NCOA1: variants seen among roughly 807,000 people sequenced by gnomAD.
NCOA1 encodes the protein Hin-2 protein.
In NCOA1, 35 loss-of-function variants were observed where a neutral mutation model predicts 150.9. The ratio of observed to expected loss-of-function variants is 0.23; its 90% confidence interval spans 0.18 to 0.31. The LOEUF (loss-of-function observed/expected upper bound fraction) is 0.31. Among genes scored for constraint, NCOA1 ranks in the 10% least tolerant of loss-of-function variants. The probability of loss-of-function intolerance (pLI) is 1.00; values close to 1 mark genes in which losing one functional copy is unlikely to be tolerated. For missense variants in NCOA1, 1,491 were observed against 1,749.3 expected (o/e 0.85, Z 2.63); for synonymous variants, 590 against 630.0 (o/e 0.94, Z 0.95).
intron 13 of NCOA1, among the ~76,000 whole-genome samples, chr2:24,708,797 C>G (rs957630225): frequency 6.6e-6 from 1 of 152,206 alleles, no homozygotes; most frequent in African/African-American, 2.4e-5. Context: ...AAGAATCACT[C>G]TCTTCCCTCA....
intron 1 of NCOA1, among the ~76,000 whole-genome samples, chr2:24,552,321 T>TTATATATATATATATATATA (rs1165573855): frequency 4.6e-4 from 14 of 30,564 alleles, no homozygotes; most frequent in South Asian, 9.8e-4. Flanking sequence ...TTCATATATA[T>TTATATATATATATATATATA]TATATATATA....
In NCOA1 at chr2:24,691,698, CTG is replaced by C. The variant is rs749383423; in HGVS notation, c.712+41_712+42del. The C allele has an allele frequency of 3.8e-6, 6 of 1,581,670 alleles. No homozygotes were observed. In the African/African-American group the frequency reaches 8.1e-5, roughly 21 times the overall value. On this transcript the variant is annotated intron_variant, in intron 9 of 22. Coordinates refer to ENST00000348332, the MANE Select transcript of NCOA1 (RefSeq NM_003743.5). ...GGTCTTTTTAAAGTGTTTATTTCTT[CTG>C]TGACTTTAAGGAAAAGAGAGGAAAT...
At chr2:24,637,310 A>G (rs1669983572) in intron 3 of NCOA1, among the ~76,000 whole-genome samples, 1 of 146,804 alleles carries the variant, frequency 6.8e-6, no homozygotes, top group Admixed American at 7.0e-5. Flanking sequence ...AGAACGAGAA[A>G]TACCATTTGA....
At chr2:24,513,847 G>A (rs1219473263) in intron 1 of NCOA1, among the ~76,000 whole-genome samples, 1 of 152,076 alleles carries the variant, frequency 6.6e-6, no homozygotes, top group South Asian at 2.1e-4. Context: ...CAATTTCTCC[G>A]GCCAACTGTA....
intron 6 of NCOA1, 30 bp from the exon 7 acceptor site, chr2:24,673,336 A>G (rs766609336): frequency 1.4e-6 from 2 of 1,410,322 alleles, no homozygotes; most frequent in Admixed American, 2.4e-5. Flanking sequence ...CTTTTCAGAT[A>G]TGTGATTTTT....
At chr2:24,558,296 A>G (rs1034511754) in intron 1 of NCOA1, among the ~76,000 whole-genome samples, 13 of 152,280 alleles carry the variant, frequency 8.5e-5, no homozygotes, top group African/African-American at 2.2e-4. Flanking sequence ...CCTGTGTGCA[A>G]CGGAAAACTG....
chr2:24,532,507 T>C (rs1484893892), intron 1 of NCOA1, among the ~76,000 whole-genome samples: 1 of 152,222 alleles, frequency 6.6e-6, no homozygotes, highest in Non-Finnish European at 1.5e-5. Context: ...TTTTGGTGTT[T>C]TAGACATGAA....
chr2:24,624,976 A>C (rs1160391548), intron 3 of NCOA1, among the ~76,000 whole-genome samples: 1 of 152,188 alleles, frequency 6.6e-6, no homozygotes, highest in Non-Finnish European at 1.5e-5. Context: ...TGTAGTGTGA[A>C]AGCAGCCATA....
rs142059418 is a variant in NCOA1, at chr2:24,560,399, T to C, written c.-395-3896T>C. On this transcript the variant is annotated intron_variant, in intron 1 of 22. Transcript: ENST00000348332. ...TGGTTGCCTTGTGACCTCCACTCTT[T>C]GTTAGACCAAGAGAAGTTTTGATTC... Among the ~76,000 whole-genome samples, 8 of 152,296 alleles carry C rather than the reference T, an allele frequency of 5.3e-5. No individual in the cohort carries two copies. In the East Asian group the frequency reaches 1.5e-3, roughly 29 times the overall value.
At chr2:24,629,572 G>A (rs1669595119) in intron 3 of NCOA1, among the ~76,000 whole-genome samples, 2 of 148,376 alleles carry the variant, frequency 1.3e-5, no homozygotes, top group Non-Finnish European at 1.5e-5. Flanking sequence ...ACAAAAAAAG[G>A]TACCTAAAAT....
At chr2:24,497,387 A>G (rs1355770508) in intron 1 of NCOA1, among the ~76,000 whole-genome samples, 1 of 151,944 alleles carries the variant, frequency 6.6e-6, no homozygotes, top group Non-Finnish European at 1.5e-5. Context: ...TCACTTTAAG[A>G]TTCTTGTGGG....
chr2:24,636,539 C>A (rs967220804), intron 3 of NCOA1, among the ~76,000 whole-genome samples: 14 of 152,102 alleles, frequency 9.2e-5, no homozygotes, highest in African/African-American at 3.1e-4. Context: ...ATTATTGACA[C>A]AAAATTCATT....
chr2:24,673,505 T>G lies in NCOA1; in HGVS notation c.354+42T>G. 3 of 1,419,822 alleles carry G rather than the reference T, an allele frequency of 2.1e-6. No individual in the cohort carries two copies. In the South Asian group the frequency reaches 4.1e-5, roughly 19 times the overall value. The allele number at this position is 1,419,822 out of a possible 1,614,324, so 88.0% of individuals were successfully genotyped here. A position where few individuals can be genotyped will look rare whatever the true frequency, so the allele number is the denominator to read the frequency against. ...ACTCAGAAAGTGATTAAAATCTTTG[T>G]TGTAGCCAGTTTGGTTTTTTCTTTT... On this transcript the variant is annotated intron_variant, in intron 7 of 22. Transcript: ENST00000348332.
intron 10 of NCOA1, among the ~76,000 whole-genome samples, chr2:24,695,513 A>G (rs1021121670): frequency 4.6e-5 from 7 of 152,214 alleles, no homozygotes; most frequent in African/African-American, 1.7e-4. Flanking sequence ...GAAATATAAA[A>G]TATGCTTAAA....
rs144842922 is a variant in NCOA1, at chr2:24,527,989, C to T, written c.-395-36306C>T. Among the ~76,000 whole-genome samples, 630 of 152,080 alleles carry T rather than the reference C, an allele frequency of 4.1e-3. 5 individuals carry two copies. The highest frequency in any genetic ancestry group is 0.015 in the African/African-American group (610 of 41,470). On this transcript the variant is annotated intron_variant, in intron 1 of 22. Transcript: ENST00000348332. Reference sequence around the variant, plus strand: ...TCTTTGGAGAAATGTCTTTTGAGGTCCTTTGCCCATTTTTTAATTGAGTTA... The same window carrying T: ...TCTTTGGAGAAATGTCTTTTGAGGTTCTTTGCCCATTTTTTAATTGAGTTA...
At position 24,495,665 on chromosome 2, in the gene NCOA1, G is replaced by A. The variant is rs570236637; in HGVS notation, c.-396+4063G>A. Reference sequence around the variant, plus strand: ...GATTATCCAGTTTTTCCAGAGTGATGCTTCATTTTTGCCCTTTCAGCTTAT... The same window carrying A: ...GATTATCCAGTTTTTCCAGAGTGATACTTCATTTTTGCCCTTTCAGCTTAT... On this transcript the variant is annotated intron_variant, in intron 1 of 22. Coordinates refer to ENST00000348332, the MANE Select transcript of NCOA1 (RefSeq NM_003743.5). Among the ~76,000 whole-genome samples, 5 of 152,262 alleles carry A rather than the reference G, an allele frequency of 3.3e-5. No individual in the cohort carries two copies. In the South Asian group the frequency reaches 1.0e-3, roughly 32 times the overall value.
chr2:24,504,175 T>G (rs917556709), intron 1 of NCOA1, among the ~76,000 whole-genome samples: 1 of 152,260 alleles, frequency 6.6e-6, no homozygotes, highest in East Asian at 1.9e-4. Context: ...AGGAGCCTAG[T>G]ATGATCTGGG....
intron 3 of NCOA1, among the ~76,000 whole-genome samples, chr2:24,630,346 T>A (rs1335207971): frequency 6.6e-6 from 1 of 152,240 alleles, no homozygotes; most frequent in Non-Finnish European, 1.5e-5. Flanking sequence ...TGTAGGCAGA[T>A]GTGGATAACT....
At chr2:24,600,442 A>C (rs943879335) in intron 3 of NCOA1, among the ~76,000 whole-genome samples, 5 of 152,044 alleles carry the variant, frequency 3.3e-5, no homozygotes, top group African/African-American at 1.2e-4. Context: ...CCTGAGCTCA[A>C]GTGATCCGCA....
Sources: gnomAD v4.1 joint callset for allele counts (sites outside exome capture counted in the v4.1 genomes callset) on GRCh38, gnomAD v4.1.1 for gene constraint, MANE v1.5 for transcripts, NCBI Gene and HGNC (gene_info 2026-07-23, HGNC 2026-07-21) for gene names.